SEC22C: variants seen among roughly 807,000 people sequenced by gnomAD.
SEC22C encodes SEC22 homolog C, vesicle trafficking protein.
A neutral mutation model predicts 34.7 loss-of-function variants in SEC22C; 29 were observed. The observed-to-expected ratio is 0.84, with a 90% confidence interval of 0.62 to 1.14. The LOEUF (loss-of-function observed/expected upper bound fraction) is 1.14, where lower values mean the gene tolerates loss of function less well. Ranked by LOEUF, SEC22C falls within the 50% of genes most tolerant of loss-of-function variation. The probability of loss-of-function intolerance (pLI) is 0.00; values close to 1 mark genes in which losing one functional copy is unlikely to be tolerated. For synonymous variants in SEC22C, 117 were observed against 132.8 expected, an observed-to-expected ratio of 0.88 and a Z score of 0.82; for missense variants, 337 against 369.0, an observed-to-expected ratio of 0.91 and a Z score of 0.71.
At chr3:42,570,194 C>T (rs1356027503) in intron 1 of SEC22C, among the ~76,000 whole-genome samples, 1 of 152,184 alleles carries the variant, frequency 6.6e-6, no homozygotes, top group Non-Finnish European at 1.5e-5. Flanking sequence ...GCACACTACT[C>T]TTCATCTCTG....
intron 1 of SEC22C, chr3:42,590,902 C>T (rs781498654): frequency 2.2e-6 from 3 of 1,381,970 alleles, no homozygotes; most frequent in South Asian, 2.3e-5. Flanking sequence ...CTCGGGATGT[C>T]GGTGGCCTTC....
At chr3:42,590,366 T>G (rs1417229160) in intron 1 of SEC22C, among the ~76,000 whole-genome samples, 1 of 151,888 alleles carries the variant, frequency 6.6e-6, no homozygotes, top group African/African-American at 2.4e-5. Flanking sequence ...GCAGATAGAT[T>G]GAGTATGCAC....
chr3:42,597,925 TAAC>T (rs1344582490), intron 1 of SEC22C, among the ~76,000 whole-genome samples: 8 of 152,258 alleles, frequency 5.3e-5, no homozygotes, highest in Non-Finnish European at 8.8e-5. Flanking sequence ...AACCAAAAAA[TAAC>T]AAGTGTTGGT....
intron 1 of SEC22C, chr3:42,594,666 A>G (rs1157542448): frequency 1.7e-6 from 1 of 577,062 alleles, no homozygotes; most frequent in Non-Finnish European, 3.0e-6. Flanking sequence ...GAAAATGTGA[A>G]GAAAGCTACT....
chr3:42,562,688 C>T (rs142584002), intron 3 of SEC22C, among the ~76,000 whole-genome samples: 1 of 152,266 alleles, frequency 6.6e-6, no homozygotes, highest in African/African-American at 2.4e-5. Flanking sequence ...ACACGGAGAG[C>T]ACAGACTGTC....
At chr3:42,591,131 G>A (rs1458357119) in intron 1 of SEC22C, 2 of 720,718 alleles carry the variant, frequency 2.8e-6, no homozygotes, top group African/African-American at 1.7e-5. Context: ...CACAGGCGCC[G>A]GGGCAGGACC....
chr3:42,580,263 CAG>C (rs1428132825), intron 1 of SEC22C, among the ~76,000 whole-genome samples: 2 of 152,214 alleles, frequency 1.3e-5, no homozygotes, highest in South Asian at 4.2e-4. Context: ...AAGAGAAAAA[CAG>C]AGAGAAAGAG....
chr3:42,569,475 G>A (rs1703475646), intron 1 of SEC22C, among the ~76,000 whole-genome samples: 1 of 152,184 alleles, frequency 6.6e-6, no homozygotes, highest in Non-Finnish European at 1.5e-5. Context: ...GAAGCAGCGA[G>A]GATTGATGTC....
chr3:42,584,256 G>A (rs1420357791), upstream of SEC22C, among the ~76,000 whole-genome samples: 1 of 152,158 alleles, frequency 6.6e-6, no homozygotes, highest in East Asian at 1.9e-4. Context: ...GGTCTGGGCT[G>A]AACACAGACT....
chr3:42,548,557 A>G lies in SEC22C; in HGVS notation c.*4691T>C, dbSNP rs755899544. On this transcript the variant is annotated 3_prime_UTR_variant, in exon 7 of 7. Coordinates refer to ENST00000264454, the MANE Select transcript of SEC22C (RefSeq NM_032970.4). ...ATTTCCCCAGCAGCAGAAGTTTGAC[A>G]TCACTGCTCCCGGATGGGAGAATCA... 18 of 1,597,606 alleles carry G rather than the reference A, an allele frequency of 1.1e-5. No individual in the cohort carries two copies. The highest frequency in any genetic ancestry group is 1.5e-5 in the Non-Finnish European group (17 of 1,166,668).
At chr3:42,585,033 G>A (rs1036731268), upstream of SEC22C, among the ~76,000 whole-genome samples, 1 of 152,180 alleles carries the variant, frequency 6.6e-6, no homozygotes, top group African/African-American at 2.4e-5. Context: ...GGAGGCTGAG[G>A]CAGGAGAATC....
At chr3:42,557,557 T>TTA (rs35532938) in intron 5 of SEC22C, 21 bp downstream of exon 5, 85,494 of 999,318 alleles carry the variant, frequency 0.086, 1,822 homozygotes, top group African/African-American at 0.16. Context: ...TAAACTGTTT[T>TTA]AAAAAAAAAA....
intron 1 of SEC22C, among the ~76,000 whole-genome samples, chr3:42,592,995 T>C (rs1016116280): frequency 1.1e-4 from 17 of 152,152 alleles, no homozygotes; most frequent in African/African-American, 4.1e-4. Flanking sequence ...TTCAAAAATA[T>C]TGGGGAGCAC....
intron 1 of SEC22C, 57 bp from the exon 2 acceptor site, chr3:42,569,130 C>T: frequency 8.7e-7 from 1 of 1,153,348 alleles, no homozygotes; most frequent in South Asian, 1.4e-5. Context: ...CCAGAAATAC[C>T]CCCACCTGTG....
At chr3:42,572,138 CTTAT>C (rs965278840) in intron 1 of SEC22C, among the ~76,000 whole-genome samples, 30 of 148,454 alleles carry the variant, frequency 2.0e-4, no homozygotes, top group African/African-American at 7.5e-4. Context: ...TTTGTTTTTT[CTTAT>C]TTGTTTGTTT....
chr3:42,600,799 C>T, intron 1 of SEC22C: 1 of 390,144 alleles, frequency 2.6e-6, no homozygotes, highest in Non-Finnish European at 4.6e-6. Context: ...CGCCCGCATG[C>T]GTGCGCGCTG....
Position 42,550,709 on chromosome 3 carries a change from A to G in SEC22C, c.*2539T>C. 1.0e-6 allele frequency: 1 copy of G among 984,994 alleles called. No individual in the cohort carries two copies. The highest frequency in any genetic ancestry group is 1.7e-5 in the African/African-American group (1 of 57,170). The allele number at this position is 984,994 out of a possible 1,614,324, so 61.0% of individuals were successfully genotyped here. On this transcript the variant is annotated 3_prime_UTR_variant, in exon 7 of 7. Coordinates refer to ENST00000264454, the MANE Select transcript of SEC22C (RefSeq NM_032970.4). ...GGTAGTGCCTCGGTGGTCAGGAAGC[A>G]TTACCAGGAAGGACTCATCTTCAAG...
chr3:42,600,206 C>T (rs1705229586), intron 1 of SEC22C, among the ~76,000 whole-genome samples: 1 of 152,076 alleles, frequency 6.6e-6, no homozygotes, highest in African/African-American at 2.4e-5. Flanking sequence ...GACGCTGGTG[C>T]CAAAGCGGGA....
In SEC22C at chr3:42,591,201, C is replaced by CTTT. The variant is rs71616053; in HGVS notation, c.-28+9756_-28+9758dup. ...TCACACTGCACTAACCCTTTCTCTC[C>CTTT]TTTTTTTTTTTTTTTTGAGACGGAG... On this transcript the variant is annotated intron_variant, in intron 1 of 6. Transcript: ENST00000417572. The CTTT allele has an allele frequency of 6.6e-3, 3,225 of 486,144 alleles. 3 individuals carry two copies. Among genetic ancestry groups the CTTT allele is most frequent in the South Asian group, 0.012 (468 of 40,004 alleles). The allele number at this position is 486,144 out of a possible 1,614,324, so 30.1% of individuals were successfully genotyped here.
Sources: allele counts gnomAD v4.1 joint callset (sites outside exome capture counted in the v4.1 genomes callset), GRCh38; gene constraint gnomAD v4.1.1; transcripts MANE v1.5; gene names NCBI Gene and HGNC (gene_info 2026-07-23, HGNC 2026-07-21).